PHYHIPL: variants seen among roughly 807,000 people sequenced by gnomAD.
PHYHIPL encodes the protein phytanoyl-CoA hydroxylase-interacting protein-like.
A neutral mutation model predicts 33.4 loss-of-function variants in PHYHIPL; 9 were observed. That is an observed-to-expected ratio of 0.27 (90% CI 0.16 to 0.47). The LOEUF (loss-of-function observed/expected upper bound fraction) is 0.47, where lower values mean the gene tolerates loss of function less well. Ranked by LOEUF, PHYHIPL falls within the 20% of genes least tolerant of loss-of-function variation. PHYHIPL has a pLI of 0.99. For synonymous variants in PHYHIPL, 153 were observed against 154.1 expected, an observed-to-expected ratio of 0.99 and a Z score of 0.05; for missense variants, 365 against 460.7, an observed-to-expected ratio of 0.79 and a Z score of 1.90.
At chr10:59,212,450 G>A (rs1159340130) in intron 1 of PHYHIPL, among the ~76,000 whole-genome samples, 1 of 152,108 alleles carries the variant, frequency 6.6e-6, no homozygotes, top group East Asian at 1.9e-4. Flanking sequence ...TAACCCACTT[G>A]TGTAACAAGT....
chr10:59,230,824 G>A (rs894155747), intron 1 of PHYHIPL, among the ~76,000 whole-genome samples: 3 of 151,842 alleles, frequency 2.0e-5, no homozygotes, highest in African/African-American at 7.3e-5. Context: ...AAACCATGGC[G>A]GGGGGGCTTC....
chr10:59,237,098 T>G (rs1213191195), intron 3 of PHYHIPL, among the ~76,000 whole-genome samples: 2 of 151,548 alleles, frequency 1.3e-5, no homozygotes, highest in African/African-American at 4.8e-5. Flanking sequence ...TCTCAGTGAC[T>G]GTCCCTAGCA....
intron 1 of PHYHIPL, among the ~76,000 whole-genome samples, chr10:59,211,251 A>G (rs1486411438): frequency 1.3e-5 from 2 of 151,970 alleles, no homozygotes; most frequent in Non-Finnish European, 2.9e-5. Context: ...GTTGCTGTGT[A>G]CCTGTAGTCC....
intron 1 of PHYHIPL, among the ~76,000 whole-genome samples, chr10:59,189,541 C>T (rs897021251): frequency 6.6e-6 from 1 of 151,926 alleles, no homozygotes; most frequent in South Asian, 2.1e-4. Flanking sequence ...CTTCTACTTA[C>T]TATTTTTATT....
intron 1 of PHYHIPL, among the ~76,000 whole-genome samples, chr10:59,226,062 A>T (rs1398025979): frequency 6.6e-6 from 1 of 152,122 alleles, no homozygotes; most frequent in Non-Finnish European, 1.5e-5. Flanking sequence ...GTTCTCAATA[A>T]AATTCAAGAT....
At position 59,245,682 on chromosome 10, in the gene PHYHIPL, C is replaced by A; in HGVS notation, c.*91C>A. The A allele has an allele frequency of 1.5e-6, 2 of 1,361,900 alleles. No homozygotes were observed. Among genetic ancestry groups the A allele is most frequent in the Admixed American group, 2.3e-5 (1 of 43,396 alleles). The allele number at this position is 1,361,900 out of a possible 1,614,324, so 84.4% of individuals were successfully genotyped here. On this transcript the variant is annotated 3_prime_UTR_variant, in exon 5 of 5. Transcript: ENST00000373880. ...CATTTTTATCACCAGATGTTTTCCA[C>A]TGAAGCATGCACATGCCACTGTCAC...
chr10:59,224,352 A>G (rs1202832809), intron 1 of PHYHIPL, among the ~76,000 whole-genome samples: 3 of 152,068 alleles, frequency 2.0e-5, no homozygotes, highest in Admixed American at 6.6e-5. Context: ...GCCACAAGGG[A>G]GGCTGAGGTA....
rs192218827 is a variant in PHYHIPL at position 59,188,446 on chromosome 10, A to C, written c.106+11487A>C. ...GCTGAAAAGAATGTATATTCTGTTG[A>C]TTTGGGGTGGAGAGTTCTGTAGATG... On this transcript the variant is annotated intron_variant, in intron 1 of 4. Coordinates refer to ENST00000373880, the MANE Select transcript of PHYHIPL (RefSeq NM_032439.4). Among the ~76,000 whole-genome samples, 613 of 152,258 alleles carry C rather than the reference A, an allele frequency of 4.0e-3. 4 individuals are homozygous for C. The highest frequency in any genetic ancestry group is 0.011 in the African/African-American group (458 of 41,544).
intron 4 of PHYHIPL, among the ~76,000 whole-genome samples, chr10:59,244,780 T>A (rs957029003): frequency 6.6e-6 from 1 of 152,120 alleles, no homozygotes; most frequent in African/African-American, 2.4e-5. Context: ...AGGTTTCTAA[T>A]TCCAGTTTGA....
chr10:59,199,215 T>C (rs1196659830), intron 1 of PHYHIPL, among the ~76,000 whole-genome samples: 1 of 152,240 alleles, frequency 6.6e-6, no homozygotes, highest in African/African-American at 2.4e-5. Context: ...CTTTAATCCA[T>C]CTTGAACTAA....
intron 1 of PHYHIPL, among the ~76,000 whole-genome samples, chr10:59,218,730 A>G (rs895991924): frequency 7.8e-6 from 1 of 127,564 alleles, no homozygotes; most frequent in African/African-American, 2.6e-5. Context: ...AAAAGAATAC[A>G]TAATTATAAA....
chr10:59,189,131 A>T (rs934721382), intron 1 of PHYHIPL, among the ~76,000 whole-genome samples: 3 of 152,092 alleles, frequency 2.0e-5, no homozygotes, highest in Non-Finnish European at 2.9e-5. Context: ...TCCTTAAAAA[A>T]GAGTCAAGAT....
intron 1 of PHYHIPL, among the ~76,000 whole-genome samples, chr10:59,232,804 G>A (rs532443319): frequency 3.3e-4 from 50 of 151,942 alleles, no homozygotes; most frequent in African/African-American, 1.2e-3. Flanking sequence ...GATGTTTAAA[G>A]ACAAGTGGGA....
chr10:59,196,664 C>T (rs1258531130), intron 1 of PHYHIPL, among the ~76,000 whole-genome samples: 4 of 151,952 alleles, frequency 2.6e-5, no homozygotes, highest in Admixed American at 1.3e-4. Context: ...GTGATCCGTC[C>T]GACTTGGCCT....
At chr10:59,206,239 G>A (rs1479446254) in intron 1 of PHYHIPL, among the ~76,000 whole-genome samples, 1 of 152,084 alleles carries the variant, frequency 6.6e-6, no homozygotes, top group Non-Finnish European at 1.5e-5. Context: ...TTGCTGGTAA[G>A]CCTCCTTGAT....
At chr10:59,233,602 T>C (rs894760576) in intron 1 of PHYHIPL, among the ~76,000 whole-genome samples, 1 of 151,816 alleles carries the variant, frequency 6.6e-6, no homozygotes, top group Non-Finnish European at 1.5e-5. Context: ...TCTATACTGT[T>C]AGCCAAATTG....
At chr10:59,222,258 T>C (rs1253131010) in intron 1 of PHYHIPL, among the ~76,000 whole-genome samples, 1 of 152,084 alleles carries the variant, frequency 6.6e-6, no homozygotes, top group Non-Finnish European at 1.5e-5. Flanking sequence ...TGGGGAACTT[T>C]GCTTTTTTAA....
chr10:59,180,383 A>C lies in PHYHIPL; in HGVS notation c.106+3424A>C, dbSNP rs180934225. Among the ~76,000 whole-genome samples, 1,194 of 136,854 alleles carry C rather than the reference A, an allele frequency of 8.7e-3. 27 individuals are homozygous for C. Among genetic ancestry groups the C allele is most frequent in the African/African-American group, 0.032 (1,124 of 35,304 alleles). 89.8% of individuals were successfully genotyped at this position (136,854 alleles called of 152,430 possible). A position where few individuals can be genotyped will look rare whatever the true frequency, so the allele number is the denominator to read the frequency against. Reference sequence around the variant, plus strand: ...ATATACTTTTTCTTCCTCGTTGAACAGGAAAGATTTATCTACATGTTGCCT... The same window carrying C: ...ATATACTTTTTCTTCCTCGTTGAACCGGAAAGATTTATCTACATGTTGCCT... On this transcript the variant is annotated intron_variant, in intron 1 of 4. Coordinates refer to ENST00000373880, the MANE Select transcript of PHYHIPL (RefSeq NM_032439.4).
chr10:59,200,351 G>C (rs1240317706), intron 1 of PHYHIPL, among the ~76,000 whole-genome samples: 1 of 152,124 alleles, frequency 6.6e-6, no homozygotes, highest in East Asian at 1.9e-4. Context: ...TTATATGCTG[G>C]ATTACTTTTA....
Sources: allele counts gnomAD v4.1 joint callset (sites outside exome capture counted in the v4.1 genomes callset), GRCh38; gene constraint gnomAD v4.1.1; transcripts MANE v1.5; gene names NCBI Gene and HGNC (gene_info 2026-07-23, HGNC 2026-07-21).